Variants in FOXJ2 observed in about 807,000 individuals in gnomAD.
FOXJ2 encodes forkhead box J2.
In FOXJ2, 18 loss-of-function variants were observed where a neutral mutation model predicts 68.4. That is an observed-to-expected ratio of 0.26 (90% confidence interval 0.18 to 0.39). The LOEUF (loss-of-function observed/expected upper bound fraction) is 0.39. Among genes scored for constraint, FOXJ2 ranks in the 10% least tolerant of loss-of-function variants. FOXJ2 has a pLI of 1.00. For missense variants in FOXJ2, 670 were observed against 726.5 expected (o/e 0.92, Z 0.89); for synonymous variants, 274 against 263.2 (o/e 1.04, Z -0.40).
Position 8,052,958 on chromosome 12 carries a change from T to A in FOXJ2, c.*108T>A. On this transcript the variant is annotated 3_prime_UTR_variant, in exon 11 of 11. Transcript: ENST00000162391. ...CCCCCCGTCTGTATATAGACATATA[T>A]CCTCTTTTTGTTCTTTCTCTGTCAG... 1 of 695,198 alleles carries A rather than the reference T, an allele frequency of 1.4e-6. No individual in the cohort carries two copies. The highest frequency in any genetic ancestry group is 2.1e-5 in the South Asian group (1 of 46,746). 43.1% of individuals were successfully genotyped at this position (695,198 alleles called of 1,614,324 possible).
At chr12:8,049,810 T>C (rs762497442) in intron 9 of FOXJ2, 6 of 447,676 alleles carry the variant, frequency 1.3e-5, no homozygotes, top group Non-Finnish European at 2.4e-5. Context: ...ATCAGAATTG[T>C]TTAAGAAAAG....
At chr12:8,036,378 A>G (rs1436802488) in intron 1 of FOXJ2, among the ~76,000 whole-genome samples, 1 of 152,170 alleles carries the variant, frequency 6.6e-6, no homozygotes, top group Non-Finnish European at 1.5e-5. Flanking sequence ...GAGAATGTCT[A>G]TGTGTCTGTT....
chr12:8,039,563 TG>T (rs1420546903), intron 1 of FOXJ2, among the ~76,000 whole-genome samples: 1 of 152,172 alleles, frequency 6.6e-6, no homozygotes, highest in Non-Finnish European at 1.5e-5. Context: ...TAGCTCCATT[TG>T]GTGTGAAGTT....
chr12:8,045,089 G>A (rs1947018030), intron 6 of FOXJ2, 131 bp downstream of exon 6: 12 of 918,754 alleles, frequency 1.3e-5, no homozygotes, highest in Non-Finnish European at 1.9e-5. Flanking sequence ...TTTCGTCCAA[G>A]CTGGAGTGCA....
chr12:8,048,354 C>A, intron 7 of FOXJ2, 65 bp downstream of exon 7: 1 of 1,500,906 alleles, frequency 6.7e-7, no homozygotes, highest in South Asian at 1.4e-5. Context: ...CTAACACCGG[C>A]ATGGAGGTGC....
chr12:8,050,643 C>T, intron 10 of FOXJ2, 23 bp downstream of exon 10: 1 of 1,613,312 alleles, frequency 6.2e-7, no homozygotes, highest in Non-Finnish European at 8.5e-7. Flanking sequence ...AAGCTTGTTT[C>T]AAAACCGTTG....
At chr12:8,041,067 G>A (rs1050316038) in intron 2 of FOXJ2, among the ~76,000 whole-genome samples, 5 of 152,200 alleles carry the variant, frequency 3.3e-5, no homozygotes, top group Non-Finnish European at 7.3e-5. Flanking sequence ...TTTTGGAGCA[G>A]TAGCTCATTT....
chr12:8,051,560 A>T (rs777779560), intron 10 of FOXJ2, among the ~76,000 whole-genome samples: 1 of 152,312 alleles, frequency 6.6e-6, no homozygotes, highest in Admixed American at 6.5e-5. Context: ...AGGCAAATAA[A>T]ATGAATTTGT....
At chr12:8,037,635 G>T (rs1251151138) in intron 1 of FOXJ2, among the ~76,000 whole-genome samples, 1 of 152,150 alleles carries the variant, frequency 6.6e-6, no homozygotes, top group African/African-American at 2.4e-5. Flanking sequence ...CTCTTAAGAT[G>T]AAATTTCCTA....
chr12:8,045,908 C>T lies in FOXJ2; in HGVS notation c.817+950C>T, dbSNP rs1409111002. ...TCCTGACCTCAGGTGATCCACTTACCTCAGCCTCCCAAAGTGCTGGGATTA... is the reference window on the plus strand; with the variant it reads ...TCCTGACCTCAGGTGATCCACTTACTTCAGCCTCCCAAAGTGCTGGGATTA... On this transcript the variant is annotated intron_variant, in intron 6 of 10. Transcript: ENST00000162391. Among the ~76,000 whole-genome samples the T allele has an allele frequency of 6.6e-5, 10 of 152,130 alleles. No individual in the cohort carries two copies. In the South Asian group the frequency reaches 2.1e-3, roughly 31 times the overall value.
chr12:8,044,761 G>A lies in FOXJ2; in HGVS notation c.620G>A (p.Gly207Asp). ...GGAATTTCTTACCTGTTTTTGCAGG[G>A]CACAGGATCTGTGGATGGTGGAGCA... ...SPTSIASYSQ[G>D]TGSVDGGAVA... The change falls in exon 6 of 11, where the codon GGC becomes GAC. Residue 207 changes from glycine (G) to aspartate (D), a missense_variant and splice_region_variant. This residue lies in a region of FOXJ2 where 555 missense variants were observed against 562.2 expected (regional missense o/e 0.99). Transcript: ENST00000162391. 1 of 1,613,700 alleles carries A rather than the reference G, an allele frequency of 6.2e-7. No homozygotes were observed. The highest frequency in any genetic ancestry group is 2.2e-5 in the East Asian group (1 of 44,886).
rs200457871 is a variant in FOXJ2, at chr12:8,052,854, A to C, written c.*4A>C. 1.9e-6 allele frequency: 3 copies of C among 1,601,202 alleles called. No individual in the cohort carries two copies. Among genetic ancestry groups the C allele is most frequent in the Non-Finnish European group, 2.6e-6 (3 of 1,172,016 alleles). On this transcript the variant is annotated 3_prime_UTR_variant, in exon 11 of 11. Coordinates refer to ENST00000162391, the MANE Select transcript of FOXJ2 (RefSeq NM_018416.3). ...CGACTGGGACTTGATCACTTAGTGC[A>C]TCACAGAGTGTGGACATCAGCCCAG...
intron 6 of FOXJ2, among the ~76,000 whole-genome samples, chr12:8,047,618 A>C (rs1315480294): frequency 6.6e-6 from 1 of 152,160 alleles, no homozygotes; most frequent in Non-Finnish European, 1.5e-5. Context: ...CAAATCCCTA[A>C]AAAGTAGCAT....
At position 8,040,763 on chromosome 12, in the gene FOXJ2, C is replaced by A. The variant is rs1010937027; in HGVS notation, c.333+598C>A. Among the ~76,000 whole-genome samples the A allele has an allele frequency of 3.3e-5, 5 of 152,128 alleles. No individual in the cohort carries two copies. The highest frequency in any genetic ancestry group is 2.6e-4 in the Admixed American group (4 of 15,276). On this transcript the variant is annotated intron_variant, in intron 2 of 10. Coordinates refer to ENST00000162391, the MANE Select transcript of FOXJ2 (RefSeq NM_018416.3). The surrounding 1 kb of genome is among the most constrained non-coding windows in gnomAD (Gnocchi z 4.0). ...TGATCCCTCAAAGAGGATATTCACT[C>A]ATTTCACAAATGTTTATTGCCATTC... is the stretch of plus-strand genomic sequence containing the variant.
chr12:8,050,652 T>C (rs761766201), intron 10 of FOXJ2, 32 bp downstream of exon 10: 7 of 1,611,008 alleles, frequency 4.3e-6, no homozygotes, highest in Non-Finnish European at 5.9e-6. Flanking sequence ...TCAAAACCGT[T>C]GTACTCTGAT....
At chr12:8,052,542 G>T (rs1190310650) in intron 10 of FOXJ2, among the ~76,000 whole-genome samples, 1 of 152,168 alleles carries the variant, frequency 6.6e-6, no homozygotes, top group Admixed American at 6.5e-5. Flanking sequence ...GTTAATGGCA[G>T]CATAATATTT....
rs143925998 is a variant in FOXJ2, at chr12:8,044,881, A to G, written c.740A>G (p.Asn247Ser). The G allele has an allele frequency of 2.4e-5, 39 of 1,613,994 alleles. No homozygotes were observed. In the African/African-American group the frequency reaches 4.7e-4, roughly 19 times the overall value. Reference sequence around the variant, plus strand: ...TTTAAATTCTCCTACTCAGAGATCAACTTTCAGGATCTAAGCTGGTCCTTC... The same window carrying G: ...TTTAAATTCTCCTACTCAGAGATCAGCTTTCAGGATCTAAGCTGGTCCTTC... ...HDFKFSYSEI[N>S]FQDLSWSFRN... Residue 247 changes from asparagine (N) to serine (S), a missense_variant, in exon 6 of 11, where the codon AAC becomes AGC. By Grantham distance (46) the Asn-to-Ser change is conservative. Around this residue, in one of 2 missense-constraint regions of FOXJ2, gnomAD observed 555 missense variants for 562.2 expected, o/e 0.99. Transcript: ENST00000162391.
intron 2 of FOXJ2, among the ~76,000 whole-genome samples, chr12:8,041,540 G>T (rs1479738244): frequency 1.3e-5 from 2 of 150,164 alleles, no homozygotes; most frequent in East Asian, 2.0e-4. Flanking sequence ...TTAAGACAGG[G>T]TCTTGCTCTG....
At position 8,049,495 on chromosome 12, in the gene FOXJ2, C is replaced by T; in HGVS notation, c.1461C>T (p.His487=). The change falls in exon 9 of 11, where the codon CAC becomes CAT. Residue 487 remains histidine (H), a synonymous_variant. Transcript: ENST00000162391. ...TGHVPPQGGT[H]RPPAPARIAD... ...ACGTGCCCCCTCAAGGGGGTACCCA[C>T]CGCCCACCAGCCCCTGCCCGTATTG... 4 of 1,614,046 alleles carry T rather than the reference C, an allele frequency of 2.5e-6. No individual in the cohort carries two copies. Among genetic ancestry groups the T allele is most frequent in the Non-Finnish European group, 3.4e-6 (4 of 1,179,974 alleles).
Sources: gnomAD v4.1 joint callset for allele counts (sites outside exome capture counted in the v4.1 genomes callset) on GRCh38, gnomAD v4.1.1 for gene constraint, gnomAD v4.1.1 regional missense constraint, Gnocchi (gnomAD v3.1) non-coding constraint, MANE v1.5 for transcripts, NCBI Gene and HGNC (gene_info 2026-07-23, HGNC 2026-07-21) for gene names.